The following OR4S2 variants were observed in gnomAD, a reference collection of about 807,000 sequenced individuals.
OR4S2 encodes olfactory receptor family 4 subfamily S member 2, also known as olfactory receptor 4S2.
Under a neutral mutation model 15.1 loss-of-function variants are expected in OR4S2, and 16 were observed. The ratio of observed to expected loss-of-function variants is 1.06; its 90% CI spans 0.72 to 1.61. The LOEUF is 1.61. OR4S2 is among the 40% of genes most tolerant of loss of function. OR4S2 has a pLI of 0.00. For synonymous variants in OR4S2, 133 were observed against 136.3 expected (o/e 0.98, Z 0.17); for missense variants, 362 against 379.6 (o/e 0.95, Z 0.38).
intron 1 of OR4S2, among the ~76,000 whole-genome samples, chr11:55,649,957 C>T (rs1858543308): frequency 7.2e-6 from 1 of 138,694 alleles, no homozygotes; most frequent in African/African-American, 2.5e-5. Context: ...GACTTCACTC[C>T]CTCTCCTTTC....
chr11:55,651,441 C>T lies in OR4S2; in HGVS notation c.538C>T (p.His180Tyr), dbSNP rs140330182. 1.3e-5 allele frequency: 20 copies of T among 1,490,468 alleles called. 3 individuals are homozygous for T. In the South Asian group the frequency reaches 2.2e-4, roughly 17 times the overall value. The allele number at this position is 1,490,468 out of a possible 1,614,324, so 92.3% of individuals were successfully genotyped here. ...GATAGATCACTACTTTTGTGATGTT[C>T]ACCCTGTGTTGAAACTTGCCTGCAC... Reference protein sequence around the residue: ...NEIDHYFCDVHPVLKLACTET... With the variant: ...NEIDHYFCDVYPVLKLACTET... The change falls in exon 2 of 2, where the codon CAC becomes TAC. Residue 180 changes from histidine (H) to tyrosine (Y), a missense_variant. His to Tyr is a moderately conservative substitution (Grantham distance 83, BLOSUM62 2). Coordinates refer to ENST00000641692, the MANE Select transcript of OR4S2 (RefSeq NM_001004059.3).
chr11:55,649,408 C>G lies in OR4S2; in HGVS notation c.-37+858C>G, dbSNP rs571201313. Among the ~76,000 whole-genome samples the G allele has an allele frequency of 2.2e-5, 3 of 138,178 alleles. 1 individual carries two copies. The highest frequency in any genetic ancestry group is 4.8e-5 in the Non-Finnish European group (3 of 62,122). The allele number at this position is 138,178 out of a possible 152,430, so 90.7% of individuals were successfully genotyped here. On this transcript the variant is annotated intron_variant, in intron 1 of 1. Transcript: ENST00000641692. ...ATTCCCAAAAGCTGGAAGTATTAGG[C>G]ACGACTTCACTGCATAAGGATAGCT...
Position 55,651,598 on chromosome 11 carries a change from G to A in OR4S2, c.695G>A (p.Arg232His), listed in dbSNP as rs371541216. ...SLRKQSAEGR[R>H]KALSTCGSHI... ...AGAAAGCAGTCAGCAGAAGGCAGGC[G>A]CAAAGCCCTCTCCACCTGTGGCTCC... Residue 232 changes from arginine to histidine, a missense_variant, in exon 2 of 2, where the codon CGC (arginine) becomes CAC (histidine). By Grantham distance (29) the Arg-to-His change is conservative. Transcript: ENST00000641692. 7.9e-5 allele frequency: 117 copies of A among 1,489,518 alleles called. 22 individuals are homozygous for A. In the South Asian group the frequency reaches 1.0e-3, roughly 13 times the overall value. 92.3% of individuals were successfully genotyped at this position (1,489,518 alleles called of 1,614,324 possible).
chr11:55,651,333 T>C lies in OR4S2; in HGVS notation c.430T>C (p.Leu144=), dbSNP rs1305780728. The stretch of plus-strand genomic sequence containing the variant: ...CCGGGAGACATGCAATAAAATGTTA[T>C]TAGGGACGTGGGTAGGTGGGTTCTT... ...MNRETCNKML[L]GTWVGGFLHS... Residue 144 remains leucine, a synonymous_variant, in exon 2 of 2, where the codon TTA becomes CTA. Transcript: ENST00000641692. 8.1e-6 allele frequency: 12 copies of C among 1,486,592 alleles called. 4 individuals carry two copies. The South Asian group carries it at 1.3e-4, about 16-fold the overall frequency. The allele number at this position is 1,486,592 out of a possible 1,614,324, so 92.1% of individuals were successfully genotyped here.
In OR4S2 at chr11:55,651,139, T is replaced by A. The variant is rs757223228; in HGVS notation, c.236T>A (p.Met79Lys). ...ICYSSVTAPKMIVDLLAKDKT... is the reference protein window; with the variant it reads ...ICYSSVTAPKKIVDLLAKDKT... Reference sequence around the variant, plus strand: ...TACTCTTCAGTCACAGCTCCCAAGATGATTGTTGACCTGTTAGCAAAGGAC... The same window carrying A: ...TACTCTTCAGTCACAGCTCCCAAGAAGATTGTTGACCTGTTAGCAAAGGAC... Residue 79 changes from methionine (M) to lysine (K), a missense_variant, in exon 2 of 2, where the codon ATG becomes AAG. Transcript: ENST00000641692. 6.8e-7 allele frequency: 1 copy of A among 1,475,212 alleles called. No individual in the cohort carries two copies. The highest frequency in any genetic ancestry group is 1.4e-5 in the African/African-American group (1 of 72,554). The allele number at this position is 1,475,212 out of a possible 1,614,324, so 91.4% of individuals were successfully genotyped here. A position where few individuals can be genotyped will look rare whatever the true frequency, so the allele number is the denominator to read the frequency against.
chr11:55,651,645 T>A lies in OR4S2; in HGVS notation c.742T>A (p.Phe248Ile). The A allele has an allele frequency of 6.7e-7, 1 of 1,492,144 alleles. No individual in the cohort carries two copies. The highest frequency in any genetic ancestry group is 9.1e-7 in the Non-Finnish European group (1 of 1,096,944). 92.4% of individuals were successfully genotyped at this position (1,492,144 alleles called of 1,614,324 possible). A position where few individuals can be genotyped will look rare whatever the true frequency, so the allele number is the denominator to read the frequency against. ...CTCCCACATTGCCATGGTCGTTATC[T>A]TTTTCGGCCCCTGTACTTTTATGTA... is the stretch of plus-strand genomic sequence containing the variant. Reference protein sequence around the residue: ...CGSHIAMVVIFFGPCTFMYMR... With the variant: ...CGSHIAMVVIIFGPCTFMYMR... The change falls in exon 2 of 2, where the codon TTT becomes ATT. Residue 248 changes from phenylalanine (F) to isoleucine (I), a missense_variant. Physicochemically the swap from Phe to Ile is conservative, Grantham distance 21 (BLOSUM62 0). Transcript: ENST00000641692.
chr11:55,651,766 G>T lies in OR4S2; in HGVS notation c.863G>T (p.Arg288Ile). 6.8e-7 allele frequency: 1 copy of T among 1,463,124 alleles called. No individual in the cohort carries two copies. Among genetic ancestry groups the T allele is most frequent in the African/African-American group, 1.4e-5 (1 of 72,582 alleles). The allele number at this position is 1,463,124 out of a possible 1,614,324, so 90.6% of individuals were successfully genotyped here. ...TTAAATCCTCTGATTTATACACTGA[G>T]AAATGCAGAAGTAAAGAATGCAATG... is the stretch of plus-strand genomic sequence containing the variant. The part of the protein sequence containing the change: ...PMLNPLIYTL[R>I]NAEVKNAMKK... Residue 288 changes from arginine to isoleucine, a missense_variant, in exon 2 of 2, where the codon AGA becomes ATA. Physicochemically the swap from Arg to Ile is moderately conservative, Grantham distance 97 (BLOSUM62 -3). Coordinates refer to ENST00000641692, the MANE Select transcript of OR4S2 (RefSeq NM_001004059.3).
In OR4S2 at chr11:55,651,376, T is replaced by TG. The variant is rs773850451; in HGVS notation, c.475dup (p.Ala159GlyfsTer13). ...GGGTTCTTACACTCCATTATCCAAG[T>TG]GGCTCTGGTAGTCCAACTACCCTTT... On this transcript the variant is annotated frameshift_variant, in exon 2 of 2. Coordinates refer to ENST00000641692, the MANE Select transcript of OR4S2 (RefSeq NM_001004059.3). LOFTEE classifies it high-confidence loss of function. 6.8e-7 allele frequency: 1 copy of TG among 1,480,592 alleles called. No homozygotes were observed. Among genetic ancestry groups the TG allele is most frequent in the South Asian group, 1.2e-5 (1 of 84,682 alleles). 91.7% of individuals were successfully genotyped at this position (1,480,592 alleles called of 1,614,324 possible). A position where few individuals can be genotyped will look rare whatever the true frequency, so the allele number is the denominator to read the frequency against.
chr11:55,651,786 G>T lies in OR4S2; in HGVS notation c.883G>T (p.Ala295Ser), dbSNP rs1364357409. ...YTLRNAEVKNAMKKLWGRNVF... is the reference protein window; with the variant it reads ...YTLRNAEVKNSMKKLWGRNVF... ...ACTGAGAAATGCAGAAGTAAAGAATGCAATGAAGAAACTGTGGGGCAGAAA... is the reference window on the plus strand; with the variant it reads ...ACTGAGAAATGCAGAAGTAAAGAATTCAATGAAGAAACTGTGGGGCAGAAA... The change falls in exon 2 of 2, where the codon GCA becomes TCA. Residue 295 changes from alanine to serine, a missense_variant. Coordinates refer to ENST00000641692, the MANE Select transcript of OR4S2 (RefSeq NM_001004059.3). The T allele has an allele frequency of 2.7e-6, 4 of 1,462,028 alleles. 1 individual carries two copies. The South Asian group carries it at 4.8e-5, about 18-fold the overall frequency. 90.6% of individuals were successfully genotyped at this position (1,462,028 alleles called of 1,614,324 possible). A position where few individuals can be genotyped will look rare whatever the true frequency, so the allele number is the denominator to read the frequency against.
chr11:55,651,678 C>T lies in OR4S2; in HGVS notation c.775C>T (p.Pro259Ser). 6.7e-7 allele frequency: 1 copy of T among 1,490,730 alleles called. No homozygotes were observed. Among genetic ancestry groups the T allele is most frequent in the Non-Finnish European group, 9.1e-7 (1 of 1,095,784 alleles). 92.3% of individuals were successfully genotyped at this position (1,490,730 alleles called of 1,614,324 possible). A position where few individuals can be genotyped will look rare whatever the true frequency, so the allele number is the denominator to read the frequency against. Residue 259 changes from proline (P) to serine (S), a missense_variant, in exon 2 of 2, where the codon CCT (proline) becomes TCT (serine). Coordinates refer to ENST00000641692, the MANE Select transcript of OR4S2 (RefSeq NM_001004059.3). Reference protein sequence around the residue: ...FGPCTFMYMRPDTTFSEDKMV... With the variant: ...FGPCTFMYMRSDTTFSEDKMV... ...CCCCTGTACTTTTATGTACATGCGC[C>T]CTGATACGACCTTTTCAGAGGATAA...
rs145599227 is a variant in OR4S2, at chr11:55,651,464, C to T, written c.561C>T (p.Cys187=). The T allele has an allele frequency of 1.7e-4, 256 of 1,486,734 alleles. 43 individuals carry two copies. Among genetic ancestry groups the T allele is most frequent in the Non-Finnish European group, 2.3e-4 (250 of 1,091,750 alleles). 92.1% of individuals were successfully genotyped at this position (1,486,734 alleles called of 1,614,324 possible). A position where few individuals can be genotyped will look rare whatever the true frequency, so the allele number is the denominator to read the frequency against. Residue 187 remains cysteine, a synonymous_variant, in exon 2 of 2, where the codon TGC becomes TGT. Transcript: ENST00000641692. ...CDVHPVLKLA[C]TETYIVGVVV... ...TTCACCCTGTGTTGAAACTTGCCTG[C>T]ACAGAAACATACATTGTTGGTGTTG...
In OR4S2 at chr11:55,648,748, CAA is replaced by C. The variant is rs1858528418; in HGVS notation, c.-37+200_-37+201del. ...ACTGTGAGGAAGGGTAGGATGGACA[CAA>C]ATAAGAAAATGTCAATAATTTCAAA... is the stretch of plus-strand genomic sequence containing the variant. On this transcript the variant is annotated intron_variant, in intron 1 of 1. Coordinates refer to ENST00000641692, the MANE Select transcript of OR4S2 (RefSeq NM_001004059.3). 1.5e-5 allele frequency among the ~76,000 whole-genome samples: 2 copies of C among 136,894 alleles called. 1 individual carries two copies. The highest frequency in any genetic ancestry group is 3.2e-5 in the Non-Finnish European group (2 of 61,754). 89.8% of individuals were successfully genotyped at this position (136,894 alleles called of 152,430 possible).
At position 55,651,726 on chromosome 11, in the gene OR4S2, A is replaced by T. The variant is rs141846411; in HGVS notation, c.823A>T (p.Ile275Phe). The change falls in exon 2 of 2, where the codon ATT becomes TTT. Residue 275 changes from isoleucine to phenylalanine, a missense_variant. Ile to Phe is a conservative substitution (Grantham distance 21). Transcript: ENST00000641692. ...TAAGATGGTGGCTGTATTTTACACCATTATCACTCCCATGTTAAATCCTCT... is the reference window on the plus strand; with the variant it reads ...TAAGATGGTGGCTGTATTTTACACCTTTATCACTCCCATGTTAAATCCTCT... ...EDKMVAVFYT[I>F]ITPMLNPLIY... is the part of the protein sequence containing the mutation. 4.8e-6 allele frequency: 7 copies of T among 1,458,806 alleles called. 1 individual carries two copies. In the African/African-American group the frequency reaches 5.5e-5, roughly 12 times the overall value. The allele number at this position is 1,458,806 out of a possible 1,614,324, so 90.4% of individuals were successfully genotyped here. A position where few individuals can be genotyped will look rare whatever the true frequency, so the allele number is the denominator to read the frequency against.
In OR4S2 at chr11:55,650,213, A is replaced by G. The variant is rs1858546164; in HGVS notation, c.-36-655A>G. 2.2e-5 allele frequency among the ~76,000 whole-genome samples: 3 copies of G among 138,694 alleles called. 1 individual carries two copies. The South Asian group carries it at 7.0e-4, about 32-fold the overall frequency. The allele number at this position is 138,694 out of a possible 152,430, so 91.0% of individuals were successfully genotyped here. A position where few individuals can be genotyped will look rare whatever the true frequency, so the allele number is the denominator to read the frequency against. On this transcript the variant is annotated intron_variant, in intron 1 of 1. Transcript: ENST00000641692. ...TTACAGTAGTATCATTTTAGAATCA[A>G]TTTTGTGTAATTTTGCTCCTCTTTC...
rs188197652 is a variant in OR4S2, at chr11:55,651,675, C to G, written c.772C>G (p.Arg258Gly). The change falls in exon 2 of 2, where the codon CGC becomes GGC. Residue 258 changes from arginine to glycine, a missense_variant. Arg to Gly is a moderately radical substitution (Grantham distance 125). Transcript: ENST00000641692. The part of the protein sequence containing the change: ...FFGPCTFMYM[R>G]PDTTFSEDKM... ...CGGCCCCTGTACTTTTATGTACATG[C>G]GCCCTGATACGACCTTTTCAGAGGA... 1 of 1,490,454 alleles carries G rather than the reference C, an allele frequency of 6.7e-7. No individual in the cohort carries two copies. The highest frequency in any genetic ancestry group is 9.1e-7 in the Non-Finnish European group (1 of 1,095,416). The allele number at this position is 1,490,454 out of a possible 1,614,324, so 92.3% of individuals were successfully genotyped here. A position where few individuals can be genotyped will look rare whatever the true frequency, so the allele number is the denominator to read the frequency against.
rs1460495068 is a variant in OR4S2, at chr11:55,651,648, T to C, written c.745T>C (p.Phe249Leu). The change falls in exon 2 of 2, where the codon TTC (phenylalanine) becomes CTC (leucine). Residue 249 changes from phenylalanine to leucine, a missense_variant. By Grantham distance (22) the Phe-to-Leu change is conservative (BLOSUM62 0). Coordinates refer to ENST00000641692, the MANE Select transcript of OR4S2 (RefSeq NM_001004059.3). Reference sequence around the variant, plus strand: ...CCACATTGCCATGGTCGTTATCTTTTTCGGCCCCTGTACTTTTATGTACAT... The same window carrying C: ...CCACATTGCCATGGTCGTTATCTTTCTCGGCCCCTGTACTTTTATGTACAT... ...GSHIAMVVIF[F>L]GPCTFMYMRP... The C allele has an allele frequency of 6.7e-7, 1 of 1,492,862 alleles. No individual in the cohort carries two copies. Among genetic ancestry groups the C allele is most frequent in the Non-Finnish European group, 9.1e-7 (1 of 1,097,546 alleles). The allele number at this position is 1,492,862 out of a possible 1,614,324, so 92.5% of individuals were successfully genotyped here.
chr11:55,649,047 C>A (rs1437025230), intron 1 of OR4S2, among the ~76,000 whole-genome samples: 1 of 136,042 alleles, frequency 7.4e-6, no homozygotes. Flanking sequence ...GTGATATGGA[C>A]GGTAGGGGAA....
rs1858572202 is a variant in OR4S2, at chr11:55,651,722, C to A, written c.819C>A (p.Tyr273Ter). Reference sequence around the variant, plus strand: ...AGGATAAGATGGTGGCTGTATTTTACACCATTATCACTCCCATGTTAAATC... The same window carrying A: ...AGGATAAGATGGTGGCTGTATTTTAAACCATTATCACTCCCATGTTAAATC... ...FSEDKMVAVF[Y>*]TIITPMLNPL... Residue 273 changes from tyrosine (Y) to a stop codon, truncating the protein, a stop_gained, in exon 2 of 2, where the codon TAC becomes TAA. Coordinates refer to ENST00000641692, the MANE Select transcript of OR4S2 (RefSeq NM_001004059.3). LOFTEE classifies it high-confidence loss of function. 12 of 1,455,848 alleles carry A rather than the reference C, an allele frequency of 8.2e-6. 3 individuals are homozygous for A. The highest frequency in any genetic ancestry group is 2.8e-5 in the African/African-American group (2 of 72,338). 90.2% of individuals were successfully genotyped at this position (1,455,848 alleles called of 1,614,324 possible). A position where few individuals can be genotyped will look rare whatever the true frequency, so the allele number is the denominator to read the frequency against.
chr11:55,651,292 A>T lies in OR4S2; in HGVS notation c.389A>T (p.Tyr130Phe), dbSNP rs1327579065. The change falls in exon 2 of 2, where the codon TAT becomes TTT. Residue 130 changes from tyrosine to phenylalanine, a missense_variant. Transcript: ENST00000641692. ...RYVAICKPLH[Y>F]MTIMNRETCN... is the part of the protein sequence containing the mutation. Reference sequence around the variant, plus strand: ...GTGGCTATCTGTAAACCCCTACATTATATGACCATCATGAACCGGGAGACA... The same window carrying T: ...GTGGCTATCTGTAAACCCCTACATTTTATGACCATCATGAACCGGGAGACA... 1.3e-6 allele frequency: 2 copies of T among 1,487,344 alleles called. No individual in the cohort carries two copies. The highest frequency in any genetic ancestry group is 1.2e-5 in the South Asian group (1 of 84,850). 92.1% of individuals were successfully genotyped at this position (1,487,344 alleles called of 1,614,324 possible).
Sources: allele counts gnomAD v4.1 joint callset (sites outside exome capture counted in the v4.1 genomes callset), GRCh38; gene constraint gnomAD v4.1.1; transcripts MANE v1.5; gene names NCBI Gene and HGNC (gene_info 2026-07-23, HGNC 2026-07-21).